The following ASIC1 variants were observed in gnomAD, a reference collection of about 807,000 sequenced individuals.
The protein encoded by ASIC1 is acid-sensing ion channel 1.
A neutral mutation model predicts 63.4 loss-of-function variants in ASIC1; 21 were observed. The observed-to-expected ratio is 0.33, with a 90% CI of 0.23 to 0.48. The LOEUF is 0.48. Among genes scored for constraint, ASIC1 ranks in the 20% least tolerant of loss-of-function variants. The pLI is 0.99. For missense variants in ASIC1, 478 were observed against 695.5 expected (o/e 0.69, Z 3.52); for synonymous variants, 258 against 278.2 (o/e 0.93, Z 0.72).
chr12:50,060,683 G>A (rs555715746), intron 3 of ASIC1, among the ~76,000 whole-genome samples: 2 of 152,282 alleles, frequency 1.3e-5, no homozygotes, highest in South Asian at 2.1e-4. Flanking sequence ...CCCCACAGAT[G>A]TGGCTGCCTC....
chr12:50,057,881 C>T lies in ASIC1; in HGVS notation c.-52C>T, dbSNP rs1279217896. The T allele has an allele frequency of 6.6e-6, 1 of 151,910 alleles. No homozygotes were observed. The highest frequency in any genetic ancestry group is 2.4e-5 in the African/African-American group (1 of 41,414). The allele number at this position is 151,910 out of a possible 1,614,324, so 9.4% of individuals were successfully genotyped here. ...CGCCACCGGTCCAGCGCCCCAGGAC[C>T]CGCCGCCGGCTGCCGGCTTGCCGAA... On this transcript the variant is annotated 5_prime_UTR_variant, in exon 1 of 12. Coordinates refer to ENST00000447966, the MANE Select transcript of ASIC1 (RefSeq NM_001095.4). This position sits in a 1 kb window ranked among gnomAD's most constrained non-coding sequence, Gnocchi z 4.7.
At chr12:50,080,421 C>A (rs1592280356) in intron 8 of ASIC1, 77 bp from the exon 9 acceptor site, 1 of 1,403,842 alleles carries the variant, frequency 7.1e-7, no homozygotes, top group Non-Finnish European at 9.9e-7. Context: ...AGAGAGGCTG[C>A]CTTGCCAAGG....
Position 50,074,860 on chromosome 12 carries a change from CTGTGTGTGTGTGTGTGTGTGTGTG to C in ASIC1, c.559-2329_559-2306del, listed in dbSNP as rs376276861. ...TATGGACGCCCCACCCCCACCAGCT[CTGTGTGTGTGTGTGTGTGTGTGTG>C]TGTGTGTGTGTGTGTGTGTGTGTCT... On this transcript the variant is annotated intron_variant, in intron 3 of 11. Transcript: ENST00000447966. The surrounding 1 kb of genome is among the most constrained non-coding windows in gnomAD (Gnocchi z 4.2). Among the ~76,000 whole-genome samples, 3 of 141,420 alleles carry C rather than the reference CTGTGTGTGTGTGTGTGTGTGTGTG, an allele frequency of 2.1e-5. No individual in the cohort carries two copies. The highest frequency in any genetic ancestry group is 2.7e-5 in the African/African-American group (1 of 37,506). 92.8% of individuals were successfully genotyped at this position (141,420 alleles called of 152,430 possible).
Position 50,081,166 on chromosome 12 carries a change from T to A in ASIC1, c.1362T>A (p.Phe454Leu). The A allele has an allele frequency of 6.2e-7, 1 of 1,612,392 alleles. No homozygotes were observed. Among genetic ancestry groups the A allele is most frequent in the Non-Finnish European group, 8.5e-7 (1 of 1,179,400 alleles). Residue 454 changes from phenylalanine (F) to leucine (L), a missense_variant, in exon 10 of 12, where the codon TTT becomes TTA. Around this residue, in one of 3 missense-constraint regions of ASIC1, gnomAD observed 84 missense variants for 183.5 expected, o/e 0.46. Coordinates refer to ENST00000447966, the MANE Select transcript of ASIC1 (RefSeq NM_001095.4). ...GASILTVLEL[F>L]DYAYEVIKHK... ...GCATCCTCACGGTGCTGGAGCTCTT[T>A]GACTACGCCTACGAGGTAAGCGGGG...
In ASIC1 at chr12:50,081,095, C is replaced by T. The variant is rs1182550781; in HGVS notation, c.1298-7C>T. On this transcript the variant is annotated splice_polypyrimidine_tract_variant and splice_region_variant and intron_variant, in intron 9 of 11. Transcript: ENST00000447966. ...CCCACTGACCCCCCTGGCGCCTGCC[C>T]CCGCAGGTGACATCGGGGGCCAGAT... 6.3e-7 allele frequency: 1 copy of T among 1,591,608 alleles called. No homozygotes were observed. Among genetic ancestry groups the T allele is most frequent in the Admixed American group, 1.8e-5 (1 of 55,976 alleles).
chr12:50,064,628 C>T (rs1177148758), intron 3 of ASIC1, among the ~76,000 whole-genome samples: 1 of 152,180 alleles, frequency 6.6e-6, no homozygotes, highest in East Asian at 1.9e-4. Context: ...GACTTTGTCA[C>T]TGCCCAGCTG....
chr12:50,063,638 T>C (rs1036354426), intron 3 of ASIC1, among the ~76,000 whole-genome samples: 1 of 151,860 alleles, frequency 6.6e-6, no homozygotes, highest in Non-Finnish European at 1.5e-5. Flanking sequence ...GTGGAGTGAA[T>C]GGGGATGAGC....
chr12:50,058,665 A>G, intron 1 of ASIC1, 86 bp from the exon 2 acceptor site: 2 of 1,475,266 alleles, frequency 1.4e-6, no homozygotes, highest in Non-Finnish European at 1.8e-6. Context: ...TCTGGAGATG[A>G]GGATTCTGGA....
chr12:50,065,121 TA>T (rs1314722524), intron 3 of ASIC1, among the ~76,000 whole-genome samples: 1 of 152,168 alleles, frequency 6.6e-6, no homozygotes, highest in African/African-American at 2.4e-5. Flanking sequence ...CCCAGCTAAC[TA>T]AATCAACCGG....
rs567129329 is a variant in ASIC1, at chr12:50,081,396, C to T, written c.1482+32C>T. 7 of 1,555,760 alleles carry T rather than the reference C, an allele frequency of 4.5e-6. No individual in the cohort carries two copies. In the African/African-American group the frequency reaches 5.4e-5, roughly 12 times the overall value. On this transcript the variant is annotated intron_variant, in intron 11 of 11. Coordinates refer to ENST00000447966, the MANE Select transcript of ASIC1 (RefSeq NM_001095.4). ...GAGCGAGCGAGGGCGCCCTCCAGCC[C>T]GCCTGTGCCTCCACCGCCCCAGGAA...
intron 3 of ASIC1, chr12:50,076,860 A>G (rs1335090571): frequency 4.5e-6 from 2 of 442,500 alleles, no homozygotes; most frequent in Admixed American, 5.0e-5. Context: ...GGCCTAAGGC[A>G]CTACTAGAGC....
rs1950698287 is a variant in ASIC1 at position 50,079,992 on chromosome 12, T to A, written c.1142T>A (p.Ile381Asn). Reference sequence around the variant, plus strand: ...GGCAAAGAGCTGTCCATGGTCAAGATCCCCAGCAAAGCCTCAGCCAAGTAC... The same window carrying A: ...GGCAAAGAGCTGTCCATGGTCAAGAACCCCAGCAAAGCCTCAGCCAAGTAC... The part of the protein sequence containing the change: ...RYGKELSMVK[I>N]PSKASAKYLA... The change falls in exon 8 of 12, where the codon ATC becomes AAC. Residue 381 changes from isoleucine (I) to asparagine (N), a missense_variant. This residue lies in a region of ASIC1 where 84 missense variants were observed against 183.5 expected (regional missense o/e 0.46). Transcript: ENST00000447966. 1 of 1,613,846 alleles carries A rather than the reference T, an allele frequency of 6.2e-7. No homozygotes were observed. Among genetic ancestry groups the A allele is most frequent in the Admixed American group, 1.7e-5 (1 of 59,970 alleles).
intron 3 of ASIC1, among the ~76,000 whole-genome samples, chr12:50,068,829 T>C (rs1950570337): frequency 1.3e-5 from 2 of 151,870 alleles, no homozygotes; most frequent in East Asian, 1.9e-4. Flanking sequence ...CATAAACATC[T>C]CCACTCTACC....
intron 7 of ASIC1, 78 bp downstream of exon 7, chr12:50,079,058 G>A (rs1011231868): frequency 3.6e-5 from 51 of 1,407,794 alleles, no homozygotes; most frequent in Middle Eastern, 1.8e-4. Context: ...TTCAGGTCAC[G>A]CTCCCAGAAG....
In ASIC1 at chr12:50,058,904, G is replaced by A; in HGVS notation, c.138G>A (p.Trp46Ter). The change falls in exon 2 of 12, where the codon TGG becomes TGA. Residue 46 changes from tryptophan to a stop codon, truncating the protein, a stop_gained. Coordinates refer to ENST00000447966, the MANE Select transcript of ASIC1 (RefSeq NM_001095.4). LOFTEE classifies it high-confidence loss of function. The stretch of plus-strand genomic sequence containing the variant: ...GGCTGTCTCTGAAGCGGGCACTGTG[G>A]GCCCTGTGCTTCCTGGGCTCCCTGG... ...YERLSLKRAL[W>*]ALCFLGSLAV... The A allele has an allele frequency of 6.2e-7, 1 of 1,614,122 alleles. No homozygotes were observed. The highest frequency in any genetic ancestry group is 8.5e-7 in the Non-Finnish European group (1 of 1,180,012).
chr12:50,079,149 C>T (rs1033451691), intron 7 of ASIC1, among the ~76,000 whole-genome samples, 169 bp downstream of exon 7: 2 of 152,184 alleles, frequency 1.3e-5, no homozygotes, highest in Admixed American at 6.5e-5. Context: ...TGGTGGCTTA[C>T]ACCTGTAATC....
At position 50,059,060 on chromosome 12, in the gene ASIC1, C is replaced by T; in HGVS notation, c.294C>T (p.Phe98=). The T allele has an allele frequency of 6.2e-7, 1 of 1,614,184 alleles. No individual in the cohort carries two copies. Among genetic ancestry groups the T allele is most frequent in the Non-Finnish European group, 8.5e-7 (1 of 1,180,032 alleles). Residue 98 remains phenylalanine (F), a synonymous_variant, in exon 2 of 12, where the codon TTC becomes TTT. Coordinates refer to ENST00000447966, the MANE Select transcript of ASIC1 (RefSeq NM_001095.4). This position sits in a 1 kb window ranked among gnomAD's most constrained non-coding sequence, Gnocchi z 4.6. ...TCACGCTGTGCAACCTCAACGAGTT[C>T]CGCTTTAGCCAAGTCTCCAAGAATG... ...PAVTLCNLNE[F]RFSQVSKNDL...
At chr12:50,072,518 G>A (rs1369007825) in intron 3 of ASIC1, among the ~76,000 whole-genome samples, 1 of 152,118 alleles carries the variant, frequency 6.6e-6, no homozygotes, top group Non-Finnish European at 1.5e-5. Context: ...GAGGGTTTTG[G>A]TGGGAACCCC....
At chr12:50,065,012 A>G (rs1382206278) in intron 3 of ASIC1, among the ~76,000 whole-genome samples, 1 of 152,086 alleles carries the variant, frequency 6.6e-6, no homozygotes, top group Admixed American at 6.6e-5. Flanking sequence ...CATGCTGGGG[A>G]TGAGCAGACT....
Sources: gnomAD v4.1 joint callset for allele counts (sites outside exome capture counted in the v4.1 genomes callset) on GRCh38, gnomAD v4.1.1 for gene constraint, gnomAD v4.1.1 regional missense constraint, Gnocchi (gnomAD v3.1) non-coding constraint, MANE v1.5 for transcripts, NCBI Gene and HGNC (gene_info 2026-07-23, HGNC 2026-07-21) for gene names.